FGF12: variants seen among roughly 807,000 people sequenced by gnomAD.
The protein encoded by FGF12 is fibroblast growth factor 12B.
Under a neutral mutation model 23.6 loss-of-function variants are expected in FGF12, and 14 were observed. The observed-to-expected ratio is 0.59, with a 90% CI of 0.39 to 0.93. The LOEUF is 0.93. Among genes scored for constraint, FGF12 ranks in the 40% least tolerant of loss-of-function variants. The probability of loss-of-function intolerance (pLI) is 0.00; values close to 1 mark genes in which losing one functional copy is unlikely to be tolerated. For synonymous variants in FGF12, 62 were observed against 77.3 expected (o/e 0.80, Z 1.04); for missense variants, 175 against 217.8 (o/e 0.80, Z 1.24).
intron 4 of FGF12, among the ~76,000 whole-genome samples, chr3:192,294,162 C>A (rs778493053): frequency 6.6e-6 from 1 of 152,138 alleles, no homozygotes; most frequent in African/African-American, 2.4e-5. Context: ...TTCCTCCTTG[C>A]CTTCCACCAT....
intron 2 of FGF12, among the ~76,000 whole-genome samples, chr3:192,590,728 T>C (rs1288069336): frequency 6.6e-6 from 1 of 151,946 alleles, no homozygotes; most frequent in Non-Finnish European, 1.5e-5. Flanking sequence ...GATAATCACA[T>C]GGACCTTGCC....
intron 2 of FGF12, among the ~76,000 whole-genome samples, chr3:192,510,591 A>G (rs1207513557): frequency 6.6e-6 from 1 of 152,208 alleles, no homozygotes; most frequent in Non-Finnish European, 1.5e-5. Context: ...CACTGTTGCT[A>G]TACAATCCAA....
chr3:192,287,814 A>C (rs191226405), intron 4 of FGF12, among the ~76,000 whole-genome samples: 1 of 152,192 alleles, frequency 6.6e-6, no homozygotes, highest in Admixed American at 6.6e-5. Flanking sequence ...TACTGGTGGA[A>C]AGGGATACAT....
rs1716641643 is a variant in FGF12, at chr3:192,189,054, A to G, written c.229-18398T>C. Among the ~76,000 whole-genome samples, 5 of 152,194 alleles carry G rather than the reference A, an allele frequency of 3.3e-5. No homozygotes were observed. In the South Asian group the frequency reaches 6.2e-4, roughly 19 times the overall value. ...AGTGTGCTAACACAGATTTAGGGGA[A>G]ACTTGCCTGGGACTCCGGCACATCA... On this transcript the variant is annotated intron_variant, in intron 4 of 5. Transcript: ENST00000445105.
intron 4 of FGF12, among the ~76,000 whole-genome samples, chr3:192,257,163 T>G (rs2108613353): frequency 6.6e-6 from 1 of 152,296 alleles, no homozygotes; most frequent in Non-Finnish European, 1.5e-5. Flanking sequence ...TTTTCTAATT[T>G]TCCCACATTT....
chr3:192,727,118 C>T (rs1461145090), intron 2 of FGF12, 63 bp downstream of exon 2: 17 of 1,552,184 alleles, frequency 1.1e-5, no homozygotes, highest in South Asian at 3.6e-5. Context: ...GTCCCCTCGC[C>T]GAGGATTGCC....
At chr3:192,362,163 A>G (rs1718758829) in intron 2 of FGF12, among the ~76,000 whole-genome samples, 1 of 152,126 alleles carries the variant, frequency 6.6e-6, no homozygotes, top group East Asian at 1.9e-4. Context: ...TTTCCTCCAT[A>G]GGCTCATCTA....
At position 192,581,474 on chromosome 3, in the gene FGF12, ATGTGTG is replaced by A. The variant is rs889932633; in HGVS notation, c.13+145701_13+145706del. Among the ~76,000 whole-genome samples the A allele has an allele frequency of 1.6e-5, 2 of 121,576 alleles. 1 individual carries two copies. Among genetic ancestry groups the A allele is most frequent in the Admixed American group, 1.6e-4 (2 of 12,474 alleles). The allele number at this position is 121,576 out of a possible 152,430, so 79.8% of individuals were successfully genotyped here. A position where few individuals can be genotyped will look rare whatever the true frequency, so the allele number is the denominator to read the frequency against. On this transcript the variant is annotated intron_variant, in intron 2 of 5. Coordinates refer to ENST00000445105, the MANE Select transcript of FGF12 (RefSeq NM_004113.6). Reference sequence around the variant, plus strand: ...TGTGTGTATATATATATGTATATATATGTGTGTGTGTGTATATATATATATATATAT... The same window carrying A: ...TGTGTGTATATATATATGTATATATATGTGTGTATATATATATATATATAT...
chr3:192,235,199 A>G (rs1172689634), intron 4 of FGF12, among the ~76,000 whole-genome samples: 5 of 152,080 alleles, frequency 3.3e-5, no homozygotes, highest in African/African-American at 9.7e-5. Flanking sequence ...TATGTTGTTT[A>G]TTACTGATTC....
chr3:192,502,561 T>C (rs1404245090), intron 2 of FGF12, among the ~76,000 whole-genome samples: 5 of 152,244 alleles, frequency 3.3e-5, no homozygotes, highest in Non-Finnish European at 7.3e-5. Flanking sequence ...AATGTACAGA[T>C]AACTACTGTG....
At chr3:192,464,354 C>G (rs1722947550) in intron 2 of FGF12, among the ~76,000 whole-genome samples, 1 of 151,996 alleles carries the variant, frequency 6.6e-6, no homozygotes, top group Admixed American at 6.6e-5. Context: ...ATCCGCATAG[C>G]TTAGTTCCCA....
At chr3:192,492,553 T>C (rs1203545241) in intron 2 of FGF12, among the ~76,000 whole-genome samples, 1 of 152,126 alleles carries the variant, frequency 6.6e-6, no homozygotes, top group Non-Finnish European at 1.5e-5. Flanking sequence ...ATTATCTTAG[T>C]TGACACACAG....
chr3:192,595,673 C>T (rs1258427270), intron 2 of FGF12, among the ~76,000 whole-genome samples: 1 of 152,198 alleles, frequency 6.6e-6, no homozygotes, highest in Non-Finnish European at 1.5e-5. Flanking sequence ...GCAGGGACCA[C>T]ACTTGGAAAA....
intron 2 of FGF12, among the ~76,000 whole-genome samples, chr3:192,378,142 A>C (rs1324176632): frequency 1.6e-5 from 2 of 123,748 alleles, no homozygotes; most frequent in Admixed American, 9.1e-5. Flanking sequence ...TCAGTGTCTC[A>C]CTCTGTCGGC....
chr3:192,238,122 T>G (rs1488509974), intron 4 of FGF12: 4 of 152,532 alleles, frequency 2.6e-5, no homozygotes, highest in Non-Finnish European at 4.4e-5. Flanking sequence ...TTGGGCTGCA[T>G]GCTGTAATCC....
chr3:192,717,673 T>C (rs1718906443), intron 2 of FGF12, among the ~76,000 whole-genome samples: 1 of 152,210 alleles, frequency 6.6e-6, no homozygotes, highest in Non-Finnish European at 1.5e-5. Context: ...TATAATTCAA[T>C]CGTCATTATC....
chr3:192,451,694 A>T (rs144029823), intron 2 of FGF12, among the ~76,000 whole-genome samples: 1 of 152,330 alleles, frequency 6.6e-6, no homozygotes, highest in Admixed American at 6.5e-5. Flanking sequence ...TTTGCACTTA[A>T]CAGTTTTCTT....
intron 4 of FGF12, among the ~76,000 whole-genome samples, chr3:192,289,136 C>T (rs115836104): frequency 3.0e-3 from 462 of 152,182 alleles, no homozygotes; most frequent in African/African-American, 0.011. Flanking sequence ...CAGCCTCTGA[C>T]GATAGGAAAT....
chr3:192,311,784 T>C (rs1386384975), intron 4 of FGF12, among the ~76,000 whole-genome samples: 1 of 152,182 alleles, frequency 6.6e-6, no homozygotes, highest in Non-Finnish European at 1.5e-5. Flanking sequence ...AGAGTTCCCA[T>C]TTCTCACCTA....
Sources: gnomAD v4.1 joint callset for allele counts (sites outside exome capture counted in the v4.1 genomes callset) on GRCh38, gnomAD v4.1.1 for gene constraint, MANE v1.5 for transcripts, NCBI Gene and HGNC (gene_info 2026-07-23, HGNC 2026-07-21) for gene names.